Variants in CSPP1 observed in about 807,000 individuals in gnomAD.
The protein encoded by CSPP1 is centrosome and spindle pole-associated protein 1.
In CSPP1, 126 loss-of-function variants were observed where a neutral mutation model predicts 164.4. The observed-to-expected ratio is 0.77, with a 90% CI of 0.66 to 0.89. The LOEUF (loss-of-function observed/expected upper bound fraction) is 0.89. Ranked by LOEUF, CSPP1 falls within the 40% of genes least tolerant of loss-of-function variation. The pLI is 0.00. For missense variants in CSPP1, 1,395 were observed against 1,449.8 expected, an observed-to-expected ratio of 0.96 and a Z score of 0.61; for synonymous variants, 472 against 476.7, an observed-to-expected ratio of 0.99 and a Z score of 0.13.
intron 24 of CSPP1, among the ~76,000 whole-genome samples, chr8:67,168,579 AG>A (rs1829931006): frequency 1.3e-5 from 2 of 152,234 alleles, no homozygotes; most frequent in Admixed American, 6.5e-5. Flanking sequence ...TTCTAACTTA[AG>A]TTATAAAACA....
chr8:67,157,487 G>GC (rs1826899671), intron 19 of CSPP1: 1 of 152,030 alleles, frequency 6.6e-6, no homozygotes, highest in Non-Finnish European at 1.5e-5. Flanking sequence ...GTAGAGACGG[G>GC]GTTACACCAT....
In CSPP1 at chr8:67,193,485, G is replaced by A; in HGVS notation, c.3352G>A (p.Ala1118Thr). Reference protein sequence around the residue: ...LDIDSSRPNVAPDGLSLKSIS... With the variant: ...LDIDSSRPNVTPDGLSLKSIS... The stretch of plus-strand genomic sequence containing the variant: ...ACAGGATAGCAGTCGTCCTAATGTA[G>A]CACCAGATGGTCTCTCTCTAAAATC... The change falls in exon 30 of 31, where the codon GCA (alanine) becomes ACA (threonine). Residue 1118 changes from alanine to threonine, a missense_variant. Physicochemically the swap from Ala to Thr is moderately conservative, Grantham distance 58. Transcript: ENST00000678616. The A allele has an allele frequency of 6.2e-7, 1 of 1,613,252 alleles. No homozygotes were observed. The highest frequency in any genetic ancestry group is 1.1e-5 in the South Asian group (1 of 91,046).
intron 4 of CSPP1, among the ~76,000 whole-genome samples, chr8:67,088,236 A>G (rs1810812676): frequency 6.6e-6 from 1 of 152,134 alleles, no homozygotes; most frequent in South Asian, 2.1e-4. Context: ...ATGAAAGTAC[A>G]AATCTTTAAA....
Position 67,113,788 on chromosome 8 carries a change from A to G in CSPP1, c.1188-17A>G. ...TTACTATATCTTTTTAATATGTAAAACTTTAATTTTGTTTAGAGAAAAAGA... is the reference window on the plus strand; with the variant it reads ...TTACTATATCTTTTTAATATGTAAAGCTTTAATTTTGTTTAGAGAAAAAGA... On this transcript the variant is annotated splice_polypyrimidine_tract_variant and intron_variant, in intron 10 of 30. Coordinates refer to ENST00000678616, the MANE Select transcript of CSPP1 (RefSeq NM_001382391.1). 1.4e-6 allele frequency: 2 copies of G among 1,437,494 alleles called. No homozygotes were observed. The highest frequency in any genetic ancestry group is 1.9e-6 in the Non-Finnish European group (2 of 1,041,958). The allele number at this position is 1,437,494 out of a possible 1,614,324, so 89.0% of individuals were successfully genotyped here.
chr8:67,149,990 A>G, intron 18 of CSPP1, 55 bp downstream of exon 18: 3 of 1,405,180 alleles, frequency 2.1e-6, no homozygotes, highest in Non-Finnish European at 1.9e-6. Flanking sequence ...GAAATTGTTC[A>G]GTAACATTTC....
intron 28 of CSPP1, among the ~76,000 whole-genome samples, chr8:67,184,867 A>G (rs1313607621): frequency 6.8e-6 from 1 of 146,866 alleles, no homozygotes; most frequent in East Asian, 2.0e-4. Context: ...TGGGAGGCCG[A>G]GGAGGGCGGA....
intron 14 of CSPP1, 136 bp downstream of exon 14, chr8:67,118,505 A>C (rs1818368544): frequency 1.1e-6 from 1 of 888,048 alleles, no homozygotes; most frequent in Admixed American, 2.3e-5. Flanking sequence ...TGATTTAATA[A>C]ATGCCCTATT....
intron 3 of CSPP1, among the ~76,000 whole-genome samples, chr8:67,083,531 C>CAAAAAAAAAAAAA (rs1171275894): frequency 1.8e-4 from 13 of 71,852 alleles, no homozygotes; most frequent in African/African-American, 9.3e-4. Flanking sequence ...GACTTTGTCT[C>CAAAAAAAAAAAAA]AAAAAAAAAA....
chr8:67,175,275 A>G (rs556839762), intron 25 of CSPP1, 21 bp from the exon 26 acceptor site: 1 of 1,578,698 alleles, frequency 6.3e-7, no homozygotes, highest in South Asian at 1.1e-5. Flanking sequence ...ACTTAGTTAT[A>G]TAACATATTT....
In CSPP1 at chr8:67,116,023, C is replaced by T. The variant is rs374369359; in HGVS notation, c.1397C>T (p.Pro466Leu). Residue 466 changes from proline (P) to leucine (L), a missense_variant, in exon 13 of 31, where the codon CCA (proline) becomes CTA (leucine). By Grantham distance (98) the Pro-to-Leu change is moderately conservative. Coordinates refer to ENST00000678616, the MANE Select transcript of CSPP1 (RefSeq NM_001382391.1). Reference sequence around the variant, plus strand: ...ACACCTCTCCCTCCTTTATCTGCCCCATCTGTCCCACCCATCCCATCAGTT... The same window carrying T: ...ACACCTCTCCCTCCTTTATCTGCCCTATCTGTCCCACCCATCCCATCAGTT... ...FQTPLPPLSA[P>L]SVPPIPSVHP... is the part of the protein sequence containing the mutation. 4.2e-5 allele frequency: 67 copies of T among 1,613,848 alleles called. No homozygotes were observed. The highest frequency in any genetic ancestry group is 5.6e-5 in the Non-Finnish European group (66 of 1,179,874).
Position 67,171,839 on chromosome 8 carries a change from T to G in CSPP1, c.2829-577T>G, listed in dbSNP as rs1283623124. ...CTGGGATTACAGGTGTGAGCCACCA[T>G]GCCTGGCCAACTTTTTTTTCTTTTT... On this transcript the variant is annotated intron_variant, in intron 24 of 30. Transcript: ENST00000678616. Among the ~76,000 whole-genome samples, 3 of 150,150 alleles carry G rather than the reference T, an allele frequency of 2.0e-5. No individual in the cohort carries two copies. The East Asian group carries it at 6.0e-4, about 30-fold the overall frequency.
At chr8:67,141,604 C>T (rs964701236) in intron 17 of CSPP1, among the ~76,000 whole-genome samples, 7 of 152,188 alleles carry the variant, frequency 4.6e-5, no homozygotes, top group African/African-American at 1.7e-4. Context: ...TCACTGCAAC[C>T]TCTGCCTCCC....
chr8:67,123,374 C>CT (rs1819371379), intron 15 of CSPP1, among the ~76,000 whole-genome samples: 1 of 152,120 alleles, frequency 6.6e-6, no homozygotes, highest in South Asian at 2.1e-4. Context: ...TCATAAAGTG[C>CT]TTTTAGTTCT....
At chr8:67,187,006 TATCTATCTA>T (rs1293368110) in intron 28 of CSPP1, among the ~76,000 whole-genome samples, 3 of 150,746 alleles carry the variant, frequency 2.0e-5, no homozygotes, top group African/African-American at 7.3e-5. Flanking sequence ...TCTATCTATC[TATCTATCTA>T]ATCTATCTAT....
chr8:67,076,074 A>C (rs1420541303), intron 2 of CSPP1, among the ~76,000 whole-genome samples: 3 of 149,962 alleles, frequency 2.0e-5, no homozygotes, highest in African/African-American at 7.3e-5. Context: ...GGGCCTCCTT[A>C]CTTTAATCTG....
chr8:67,179,805 TTTG>T (rs1390474977), intron 27 of CSPP1, 55 bp from the exon 28 acceptor site: 7 of 1,176,460 alleles, frequency 6.0e-6, no homozygotes, highest in Non-Finnish European at 8.9e-6. Flanking sequence ...TTAGTATAAA[TTTG>T]TTGTTTTTGT....
rs773825078 is a variant in CSPP1 at position 67,172,486 on chromosome 8, C to T, written c.2899C>T (p.Gln967Ter). 13 of 1,613,000 alleles carry T rather than the reference C, an allele frequency of 8.1e-6. No individual in the cohort carries two copies. Among genetic ancestry groups the T allele is most frequent in the Non-Finnish European group, 1.1e-5 (13 of 1,178,992 alleles). Reference protein sequence around the residue: ...RHRLQAPVRRQSPKGLDAATF... With the variant: ...RHRLQAPVRR Reference sequence around the variant, plus strand: ...TCGGTTGCAAGCTCCTGTCAGAAGACAGTCCCCTAAGGGCTTAGACGCTGC... The same window carrying T: ...TCGGTTGCAAGCTCCTGTCAGAAGATAGTCCCCTAAGGGCTTAGACGCTGC... Residue 967 changes from glutamine (Q) to a stop codon, truncating the protein, a stop_gained, in exon 25 of 31, where the codon CAG (glutamine) becomes TAG (stop). Coordinates refer to ENST00000678616, the MANE Select transcript of CSPP1 (RefSeq NM_001382391.1). LOFTEE classifies it high-confidence loss of function.
At chr8:67,093,499 C>A in intron 5 of CSPP1, 44 bp from the exon 6 acceptor site, 1 of 1,236,390 alleles carries the variant, frequency 8.1e-7, no homozygotes, top group Non-Finnish European at 1.2e-6. Context: ...ATTTTTTTTT[C>A]CTGAAGTTGA....
rs187354694 is a variant in CSPP1 at position 67,163,993 on chromosome 8, G to A, written c.2710+195G>A. On this transcript the variant is annotated intron_variant, in intron 23 of 30. Coordinates refer to ENST00000678616, the MANE Select transcript of CSPP1 (RefSeq NM_001382391.1). The stretch of plus-strand genomic sequence containing the variant: ...TAGCCAGGAAGTGGACATTGATGTG[G>A]TCCACAGACCATCAGATTTTACCAG... 5.3e-5 allele frequency among the ~76,000 whole-genome samples: 8 copies of A among 152,244 alleles called. No individual in the cohort carries two copies. The East Asian group carries it at 1.4e-3, about 26-fold the overall frequency.
Sources: allele counts gnomAD v4.1 joint callset (sites outside exome capture counted in the v4.1 genomes callset), GRCh38; gene constraint gnomAD v4.1.1; transcripts MANE v1.5; gene names NCBI Gene and HGNC (gene_info 2026-07-23, HGNC 2026-07-21).